CSNK1D: variants seen among roughly 807,000 people sequenced by gnomAD.
CSNK1D encodes casein kinase 1 delta.
A neutral mutation model predicts 46.6 loss-of-function variants in CSNK1D; 16 were observed. The observed-to-expected ratio is 0.34, with a 90% CI of 0.23 to 0.52. CSNK1D has a LOEUF of 0.52. Among genes scored for constraint, CSNK1D ranks in the 20% least tolerant of loss-of-function variants. CSNK1D has a pLI of 0.95. For missense variants in CSNK1D, 398 were observed against 578.4 expected, an observed-to-expected ratio of 0.69 and a Z score of 3.20; for synonymous variants, 276 against 228.2, an observed-to-expected ratio of 1.21 and a Z score of -1.89.
Position 82,248,608 on chromosome 17 carries a change from GCCC to G in CSNK1D, c.1197+264_1197+266del. 7.6e-7 allele frequency: 1 copy of G among 1,323,280 alleles called. No individual in the cohort carries two copies. The highest frequency in any genetic ancestry group is 1.6e-5 in the South Asian group (1 of 61,678). The allele number at this position is 1,323,280 out of a possible 1,614,324, so 82.0% of individuals were successfully genotyped here. A position where few individuals can be genotyped will look rare whatever the true frequency, so the allele number is the denominator to read the frequency against. On this transcript the variant is annotated intron_variant, in intron 8 of 8. Transcript: ENST00000314028. This position sits in a 1 kb window ranked among gnomAD's most constrained non-coding sequence, Gnocchi z 4.1. The stretch of plus-strand genomic sequence containing the variant: ...CGGGGCACTCAAACAGCAGGAGAAA[GCCC>G]CCACGGTTTGCTGGCCTCAGGGACC...
At chr17:82,239,938 T>C, downstream of CSNK1D, 1 of 1,183,394 alleles carries the variant, frequency 8.5e-7, no homozygotes, top group Non-Finnish European at 1.1e-6. Flanking sequence ...AGCAGTGGCC[T>C]GCGTGGCTGG....
rs571020217 is a variant in CSNK1D, at chr17:82,248,937, C to A, written c.1135G>T (p.Val379Phe). The change falls in exon 8 of 9, where the codon GTC (valine) becomes TTC (phenylalanine). Residue 379 changes from valine (V) to phenylalanine (F), a missense_variant. Coordinates refer to ENST00000314028, the MANE Select transcript of CSNK1D (RefSeq NM_001893.6). This position sits in a 1 kb window ranked among gnomAD's most constrained non-coding sequence, Gnocchi z 4.1. ...VSMRLHRGAPVNISSSDLTGR... is the reference protein window; with the variant it reads ...VSMRLHRGAPFNISSSDLTGR... ...GTGAGGTCGGACGAGGAGATGTTGA[C>A]GGGGGCCCCGCGGTGCAGCCGCATA... 1 of 1,605,138 alleles carries A rather than the reference C, an allele frequency of 6.2e-7. No individual in the cohort carries two copies. Among genetic ancestry groups the A allele is most frequent in the Admixed American group, 1.7e-5 (1 of 59,196 alleles).
rs2050937511 is a variant in CSNK1D, at chr17:82,249,392, C to T, written c.1057+39G>A. 1 of 1,532,290 alleles carries T rather than the reference C, an allele frequency of 6.5e-7. No individual in the cohort carries two copies. The highest frequency in any genetic ancestry group is 8.7e-7 in the Non-Finnish European group (1 of 1,143,542). 94.9% of individuals were successfully genotyped at this position (1,532,290 alleles called of 1,614,324 possible). A position where few individuals can be genotyped will look rare whatever the true frequency, so the allele number is the denominator to read the frequency against. ...CAACCCCAAGACACAAGAAGTCACC[C>T]CAGAGCCAGCCCCAGAGCGCTGGGA... is the stretch of plus-strand genomic sequence containing the variant. On this transcript the variant is annotated intron_variant, in intron 7 of 8. Coordinates refer to ENST00000314028, the MANE Select transcript of CSNK1D (RefSeq NM_001893.6). This position sits in a 1 kb window ranked among gnomAD's most constrained non-coding sequence, Gnocchi z 6.7.
Position 82,264,114 on chromosome 17 carries a change from T to C in CSNK1D, c.187+1572A>G, listed in dbSNP as rs956728042. Among the ~76,000 whole-genome samples the C allele has an allele frequency of 2.0e-5, 3 of 152,208 alleles. No homozygotes were observed. In the East Asian group the frequency reaches 5.8e-4, roughly 29 times the overall value. ...ATTACGTGCTTGTGCTGAGAAAAGA[T>C]GTCAAAGAATCAAATCAACAGTCCT... On this transcript the variant is annotated intron_variant, in intron 2 of 8. Coordinates refer to ENST00000314028, the MANE Select transcript of CSNK1D (RefSeq NM_001893.6).
chr17:82,264,966 T>A (rs1382599732), intron 2 of CSNK1D, among the ~76,000 whole-genome samples: 1 of 151,054 alleles, frequency 6.6e-6, no homozygotes, highest in Non-Finnish European at 1.5e-5. Flanking sequence ...AACGGCTAAC[T>A]TTTTTTGTAT....
chr17:82,249,705 C>T lies in CSNK1D; in HGVS notation c.886-103G>A, dbSNP rs941683121. 2.6e-6 allele frequency: 4 copies of T among 1,527,766 alleles called. No individual in the cohort carries two copies. The highest frequency in any genetic ancestry group is 3.5e-6 in the Non-Finnish European group (4 of 1,142,588). The allele number at this position is 1,527,766 out of a possible 1,614,324, so 94.6% of individuals were successfully genotyped here. ...ACGTGAGAAAATACCTACCAAAGGGCACTGGGACGAGACTGCCTGCAAAGC... is the reference window on the plus strand; with the variant it reads ...ACGTGAGAAAATACCTACCAAAGGGTACTGGGACGAGACTGCCTGCAAAGC... On this transcript the variant is annotated intron_variant, in intron 6 of 8. Coordinates refer to ENST00000314028, the MANE Select transcript of CSNK1D (RefSeq NM_001893.6). This position sits in a 1 kb window ranked among gnomAD's most constrained non-coding sequence, Gnocchi z 6.7.
At chr17:82,253,508 GACA>G (rs1049934019) in intron 3 of CSNK1D, 2 of 479,780 alleles carry the variant, frequency 4.2e-6, no homozygotes, top group African/African-American at 3.9e-5. Flanking sequence ...ACAGAGAGGG[GACA>G]ACCCGCCACT....
rs930971652 is a variant in CSNK1D, at chr17:82,252,092, G to A, written c.736+342C>T. 2.6e-5 allele frequency among the ~76,000 whole-genome samples: 4 copies of A among 152,184 alleles called. No individual in the cohort carries two copies. The highest frequency in any genetic ancestry group is 4.4e-5 in the Non-Finnish European group (3 of 68,032). On this transcript the variant is annotated intron_variant, in intron 5 of 8. Coordinates refer to ENST00000314028, the MANE Select transcript of CSNK1D (RefSeq NM_001893.6). This position sits in a 1 kb window ranked among gnomAD's most constrained non-coding sequence, Gnocchi z 4.6. ...GCAAAGGAAATCTCCCGAGCTCCTG[G>A]AGGGGGCCAGAGAGGGCAGCCACTG... is the stretch of plus-strand genomic sequence containing the variant.
chr17:82,252,427 G>C lies in CSNK1D; in HGVS notation c.736+7C>G. 6.2e-7 allele frequency: 1 copy of C among 1,614,076 alleles called. No individual in the cohort carries two copies. Among genetic ancestry groups the C allele is most frequent in the Non-Finnish European group, 8.5e-7 (1 of 1,179,984 alleles). On this transcript the variant is annotated splice_region_variant and intron_variant, in intron 5 of 8. Coordinates refer to ENST00000314028, the MANE Select transcript of CSNK1D (RefSeq NM_001893.6). The surrounding 1 kb of genome is among the most constrained non-coding windows in gnomAD (Gnocchi z 4.6). ...GCTCCGCTGAGAAGAGGCCTCCAGA[G>C]ACTTACAAGGGTAGCCTTTACACAA...
intron 1 of CSNK1D, among the ~76,000 whole-genome samples, chr17:82,272,638 G>A (rs6502095): frequency 0.016 from 2,423 of 152,300 alleles, 76 homozygotes; most frequent in African/African-American, 0.056. Flanking sequence ...AAGGGGAACC[G>A]TTCAGAGAGA....
intron 1 of CSNK1D, among the ~76,000 whole-genome samples, chr17:82,272,824 T>C (rs1000924850): frequency 6.6e-6 from 1 of 152,192 alleles, no homozygotes; most frequent in African/African-American, 2.4e-5. Flanking sequence ...CTTTGTTTAC[T>C]GCGGTGACCT....
rs1455415011 is a variant in CSNK1D, at chr17:82,255,108, G to C, written c.336+321C>G. The C allele has an allele frequency of 5.0e-5, 20 of 402,178 alleles. No homozygotes were observed. In the East Asian group the frequency reaches 1.2e-3, roughly 23 times the overall value. 24.9% of individuals were successfully genotyped at this position (402,178 alleles called of 1,614,324 possible). On this transcript the variant is annotated intron_variant, in intron 3 of 8. Coordinates refer to ENST00000314028, the MANE Select transcript of CSNK1D (RefSeq NM_001893.6). The surrounding 1 kb of genome is among the most constrained non-coding windows in gnomAD (Gnocchi z 5.9). ...GTGAGCTGGGCCGCCGGAGCCTCGA[G>C]AAGCCAGTGAGCTGAGCCGTCGGAG...
intron 2 of CSNK1D, among the ~76,000 whole-genome samples, chr17:82,260,635 G>A (rs919350870): frequency 7.0e-6 from 1 of 143,554 alleles, no homozygotes; most frequent in South Asian, 2.2e-4. Context: ...ACTGAGTGAC[G>A]TGACTGATGG....
In CSNK1D at chr17:82,250,039, G is replaced by A. The variant is rs1306413802; in HGVS notation, c.886-437C>T. On this transcript the variant is annotated intron_variant, in intron 6 of 8. Transcript: ENST00000314028. This position sits in a 1 kb window ranked among gnomAD's most constrained non-coding sequence, Gnocchi z 4.6. ...ATGAGAGCGTTTGGTCGGACGAGGA[G>A]TACACTCAGGGTCCGGACCCTGCAG... 1.6e-6 allele frequency: 2 copies of A among 1,262,776 alleles called. No individual in the cohort carries two copies. Among genetic ancestry groups the A allele is most frequent in the Admixed American group, 2.5e-5 (1 of 40,780 alleles). 78.2% of individuals were successfully genotyped at this position (1,262,776 alleles called of 1,614,324 possible).
intron 3 of CSNK1D, among the ~76,000 whole-genome samples, chr17:82,254,898 G>A (rs2051130177): frequency 7.5e-6 from 1 of 133,468 alleles, no homozygotes; most frequent in Non-Finnish European, 1.6e-5. Flanking sequence ...CCAGTCAGCT[G>A]AGCCGCCGGG....
chr17:82,245,853 G>A (rs1451376405), intron 8 of CSNK1D: 6 of 981,076 alleles, frequency 6.1e-6, no homozygotes, highest in Middle Eastern at 2.8e-4. Flanking sequence ...AGCAGAAGAA[G>A]CCTCACTCTA....
intron 1 of CSNK1D, among the ~76,000 whole-genome samples, chr17:82,270,321 C>T (rs1348794825): frequency 6.6e-6 from 1 of 152,204 alleles, no homozygotes; most frequent in East Asian, 1.9e-4. Context: ...CACAGGCACT[C>T]CACTGAAGCA....
chr17:82,241,357 G>C (rs1309648427), downstream of CSNK1D, among the ~76,000 whole-genome samples: 4 of 152,238 alleles, frequency 2.6e-5, no homozygotes, highest in Non-Finnish European at 5.9e-5. Context: ...GCTCCCGGGA[G>C]GCGCTGCCCA....
At chr17:82,263,915 C>A (rs1014740855) in intron 2 of CSNK1D, among the ~76,000 whole-genome samples, 4 of 152,312 alleles carry the variant, frequency 2.6e-5, no homozygotes, top group African/African-American at 9.6e-5. Context: ...GCTGAGCTTT[C>A]CCTGGGTTGG....
Sources: gnomAD v4.1 joint callset for allele counts (sites outside exome capture counted in the v4.1 genomes callset) on GRCh38, gnomAD v4.1.1 for gene constraint, Gnocchi (gnomAD v3.1) non-coding constraint, MANE v1.5 for transcripts, NCBI Gene and HGNC (gene_info 2026-07-23, HGNC 2026-07-21) for gene names.